The following UNC13C variants were observed in gnomAD, a reference collection of about 807,000 sequenced individuals.
UNC13C encodes protein unc-13 homolog C.
Under a neutral mutation model 245.4 loss-of-function variants are expected in UNC13C, and 174 were observed. That is an observed-to-expected ratio of 0.71 (90% CI 0.63 to 0.80). UNC13C has a LOEUF of 0.80. UNC13C is among the 30% of genes least tolerant of loss of function. The pLI, the probability that UNC13C is intolerant of heterozygous loss-of-function variation, is 0.00. For synonymous variants in UNC13C, 992 were observed against 895.1 expected (o/e 1.11, Z -1.93); for missense variants, 2,829 against 2,602.9 (o/e 1.09, Z -1.89).
chr15:53,977,012 G>C (rs377051587), upstream of UNC13C: 1 of 152,176 alleles, frequency 6.6e-6, no homozygotes, highest in Non-Finnish European at 1.5e-5. Context: ...TGTTACAGCC[G>C]GGGGCAGCAG....
At chr15:53,968,805 T>G in the UNC13C span, among the ~76,000 whole-genome samples, 1 of 152,320 alleles carries the variant, frequency 6.6e-6, no homozygotes, top group East Asian at 1.9e-4. Context: ...TCATTCAGAT[T>G]GTTTTAAACA....
chr15:54,493,438 A>C (rs1893811745), intron 19 of UNC13C, among the ~76,000 whole-genome samples: 1 of 151,692 alleles, frequency 6.6e-6, no homozygotes. Flanking sequence ...ACTTGTCTTG[A>C]ATTAATCATT....
At chr15:54,625,599 C>CAA (rs1901083881) in intron 32 of UNC13C, among the ~76,000 whole-genome samples, 1 of 152,132 alleles carries the variant, frequency 6.6e-6, no homozygotes, top group East Asian at 1.9e-4. Flanking sequence ...AGGCCTAGGA[C>CAA]AAAGCCCTAA....
chr15:54,277,962 A>G (rs2036876853), intron 10 of UNC13C, among the ~76,000 whole-genome samples: 1 of 152,156 alleles, frequency 6.6e-6, no homozygotes, highest in African/African-American at 2.4e-5. Context: ...TCCTTTAAGT[A>G]CAAGTAGTAG....
At position 54,233,846 on chromosome 15, in the gene UNC13C, G is replaced by A. The variant is rs183278462; in HGVS notation, c.3072-1184G>A. Among the ~76,000 whole-genome samples, 5 of 152,278 alleles carry A rather than the reference G, an allele frequency of 3.3e-5. No homozygotes were observed. The East Asian group carries it at 9.6e-4, about 29-fold the overall frequency. On this transcript the variant is annotated intron_variant, in intron 4 of 32. Coordinates refer to ENST00000260323, the MANE Select transcript of UNC13C (RefSeq NM_001080534.3). ...ATTACCGAGGGGCATGAACTGTGTT[G>A]TTCATGGTGAATAAGCTGACCATGG...
the UNC13C span, among the ~76,000 whole-genome samples, chr15:53,857,827 G>A: frequency 1.3e-5 from 2 of 152,108 alleles, no homozygotes; most frequent in Non-Finnish European, 2.9e-5. Flanking sequence ...AACATTTTTG[G>A]TGACACTTCA....
intron 2 of UNC13C, among the ~76,000 whole-genome samples, chr15:54,095,732 C>A (rs2141144245): frequency 6.6e-6 from 1 of 152,300 alleles, no homozygotes; most frequent in Admixed American, 6.5e-5. Context: ...AGAAGTAACC[C>A]ATTTTAACAT....
chr15:54,228,062 G>A (rs190243029), intron 4 of UNC13C, among the ~76,000 whole-genome samples: 62 of 152,264 alleles, frequency 4.1e-4, no homozygotes, highest in African/African-American at 1.4e-3. Flanking sequence ...TACCTCAACC[G>A]TGCTACAAAG....
chr15:54,108,789 C>G (rs1185653907), intron 2 of UNC13C, among the ~76,000 whole-genome samples: 1 of 151,970 alleles, frequency 6.6e-6, no homozygotes, highest in Non-Finnish European at 1.5e-5. Context: ...ATACAGTAAG[C>G]CAAATTTCTC....
the UNC13C span, among the ~76,000 whole-genome samples, chr15:53,896,812 T>G: frequency 6.6e-6 from 1 of 152,132 alleles, no homozygotes; most frequent in Admixed American, 6.5e-5. Context: ...GGCATCATCT[T>G]CCATTAGCAT....
intron 19 of UNC13C, among the ~76,000 whole-genome samples, chr15:54,426,286 GA>G (rs897374750): frequency 2.0e-5 from 3 of 149,614 alleles, no homozygotes; most frequent in Admixed American, 6.7e-5. Flanking sequence ...GGCCTCATCT[GA>G]AAGTTCAACT....
the UNC13C span, among the ~76,000 whole-genome samples, chr15:53,919,847 T>G: frequency 6.6e-6 from 1 of 152,078 alleles, no homozygotes; most frequent in Non-Finnish European, 1.5e-5. Flanking sequence ...ACAGTCAGAC[T>G]CTTGAGTATT....
intron 4 of UNC13C, among the ~76,000 whole-genome samples, chr15:54,171,423 G>C (rs932898940): frequency 2.0e-5 from 3 of 150,868 alleles, no homozygotes; most frequent in Non-Finnish European, 3.0e-5. Context: ...CTAATAATCC[G>C]ATTAAAAAAA....
At chr15:53,902,081 C>T in the UNC13C span, among the ~76,000 whole-genome samples, 1 of 149,202 alleles carries the variant, frequency 6.7e-6, no homozygotes, top group East Asian at 2.3e-4. Context: ...TTCTCTCAGG[C>T]ATACTTTTTT....
chr15:54,047,341 A>G (rs1007896993), intron 2 of UNC13C, among the ~76,000 whole-genome samples: 7 of 151,968 alleles, frequency 4.6e-5, no homozygotes, highest in African/African-American at 1.2e-4. Context: ...AGCAACCATC[A>G]TTACCATTCA....
intron 23 of UNC13C, among the ~76,000 whole-genome samples, chr15:54,510,553 A>G (rs903991586): frequency 6.6e-6 from 1 of 151,762 alleles, no homozygotes; most frequent in Admixed American, 6.6e-5. Context: ...TTTTTAAGTG[A>G]CTGGAATCAA....
At chr15:53,924,285 T>C in the UNC13C span, among the ~76,000 whole-genome samples, 1 of 152,138 alleles carries the variant, frequency 6.6e-6, no homozygotes, top group Non-Finnish European at 1.5e-5. Context: ...ATAGACTAGA[T>C]TTGTTTCCGG....
intron 30 of UNC13C, among the ~76,000 whole-genome samples, chr15:54,601,464 T>G (rs2141272693): frequency 6.6e-6 from 1 of 152,290 alleles, no homozygotes; most frequent in South Asian, 2.1e-4. Flanking sequence ...GGAGCTTTGG[T>G]AGGATCTGAA....
At chr15:54,346,667 G>A (rs2038866237) in intron 17 of UNC13C, among the ~76,000 whole-genome samples, 1 of 152,172 alleles carries the variant, frequency 6.6e-6, no homozygotes, top group Non-Finnish European at 1.5e-5. Flanking sequence ...ATAGAAGTGT[G>A]GTCTCCGGAG....
Sources: allele counts gnomAD v4.1 joint callset (sites outside exome capture counted in the v4.1 genomes callset), GRCh38; gene constraint gnomAD v4.1.1; transcripts MANE v1.5; gene names NCBI Gene and HGNC (gene_info 2026-07-23, HGNC 2026-07-21).